Variants in MAN1B1 observed in about 807,000 individuals in gnomAD.
MAN1B1 encodes the protein mannosidase alpha class 1B member 1, also known as endoplasmic reticulum mannosyl-oligosaccharide 1,2-alpha-mannosidase.
MAN1B1 carries 66 observed loss-of-function variants against 75.5 expected under a neutral mutation model. That is an observed-to-expected ratio of 0.87 (90% CI 0.72 to 1.07). The LOEUF is 1.07. MAN1B1 is among the 50% of genes least tolerant of loss of function. The probability of loss-of-function intolerance (pLI) is 0.00; values close to 1 mark genes in which losing one functional copy is unlikely to be tolerated. For synonymous variants in MAN1B1, 453 were observed against 382.8 expected (o/e 1.18, Z -2.14); for missense variants, 973 against 912.5 (o/e 1.07, Z -0.85).
intron 2 of MAN1B1, chr9:137,088,652 G>C (rs1465874032): frequency 2.8e-6 from 2 of 702,152 alleles, no homozygotes; most frequent in Non-Finnish European, 2.4e-6. Context: ...GAAGGCAAAA[G>C]ATGTGGGGTT....
At chr9:137,105,601 G>A (rs1409388768) in intron 8 of MAN1B1, 1 of 315,982 alleles carries the variant, frequency 3.2e-6, no homozygotes, top group Non-Finnish European at 6.1e-6. Flanking sequence ...GCCCCTCTGT[G>A]GGCCAGGACG....
At chr9:137,099,950 G>C in intron 6 of MAN1B1, 69 bp downstream of exon 6, 1 of 1,562,116 alleles carries the variant, frequency 6.4e-7, no homozygotes, top group South Asian at 1.1e-5. Flanking sequence ...CAGAGTGTGG[G>C]TTGCACACGG....
At chr9:137,107,108 C>G in intron 10 of MAN1B1, 142 bp from the exon 11 acceptor site, 3 of 912,854 alleles carry the variant, frequency 3.3e-6, no homozygotes, top group Non-Finnish European at 5.0e-6. Context: ...CTCCGCTGTT[C>G]CATGCCAAGT....
intron 7 of MAN1B1, 76 bp from the exon 8 acceptor site, chr9:137,101,408 C>T (rs1830806131): frequency 7.0e-7 from 1 of 1,425,988 alleles, no homozygotes; most frequent in East Asian, 2.3e-5. Flanking sequence ...AGTGTCTCCA[C>T]TGAACTGCAT....
chr9:137,102,940 G>A (rs985754533), intron 8 of MAN1B1: 2 of 437,744 alleles, frequency 4.6e-6, no homozygotes, highest in Non-Finnish European at 9.1e-6. Context: ...AGGCATGCAG[G>A]TCGGTGGTGT....
chr9:137,105,640 T>A, intron 8 of MAN1B1: 1 of 330,824 alleles, frequency 3.0e-6, no homozygotes, highest in South Asian at 2.5e-5. Flanking sequence ...GCGTAAGCCC[T>A]GAGGAGCTGA....
At chr9:137,088,564 A>G in intron 2 of MAN1B1, 1 of 839,944 alleles carries the variant, frequency 1.2e-6, no homozygotes, top group Non-Finnish European at 1.8e-6. Context: ...CACTTGGTCT[A>G]AGATGCTTCT....
chr9:137,106,468 C>T, intron 9 of MAN1B1, 153 bp downstream of exon 9: 1 of 976,296 alleles, frequency 1.0e-6, no homozygotes, highest in East Asian at 2.6e-5. Context: ...CTGGCCCAGG[C>T]ATTTATGTGG....
chr9:137,107,880 G>A (rs1831176602), intron 12 of MAN1B1: 1 of 673,532 alleles, frequency 1.5e-6, no homozygotes, highest in African/African-American at 1.8e-5. Flanking sequence ...AGTACTTGGA[G>A]GGGCTGGGCA....
At chr9:137,097,702 C>T (rs370806127) in intron 4 of MAN1B1, 126 bp from the exon 5 acceptor site, 1 of 757,062 alleles carries the variant, frequency 1.3e-6, no homozygotes. Context: ...GCAGCCTGCA[C>T]CTCAGGATGA....
At chr9:137,100,372 G>A (rs115713172) in intron 6 of MAN1B1, among the ~76,000 whole-genome samples, 496 of 152,340 alleles carry the variant, frequency 3.3e-3, no homozygotes, top group African/African-American at 0.012. Flanking sequence ...GCCTTTGGTT[G>A]TGACCCATTG....
At chr9:137,091,521 A>ATTTTTTTTTTTTTT (rs964752016) in intron 3 of MAN1B1, among the ~76,000 whole-genome samples, 29 of 89,890 alleles carry the variant, frequency 3.2e-4, no homozygotes, top group Non-Finnish European at 5.2e-4. Flanking sequence ...TTTGTTTTAT[A>ATTTTTTTTTTTTTT]TTTTTTTTTT....
At chr9:137,094,362 TA>T in intron 3 of MAN1B1, 1 of 492,210 alleles carries the variant, frequency 2.0e-6, no homozygotes. Context: ...GACATAATTC[TA>T]ATAGTTTGTT....
At chr9:137,088,497 G>A in intron 2 of MAN1B1, 3 of 1,329,886 alleles carry the variant, frequency 2.3e-6, no homozygotes, top group South Asian at 2.3e-5. Context: ...GCACTCATTA[G>A]CGTGTGTTTG....
At chr9:137,098,720 TG>T (rs1830725656) in intron 5 of MAN1B1, among the ~76,000 whole-genome samples, 1 of 152,086 alleles carries the variant, frequency 6.6e-6, no homozygotes, top group Non-Finnish European at 1.5e-5. Context: ...CATTAGTCAA[TG>T]TTGGCCGGGC....
In MAN1B1 at chr9:137,106,257, G is replaced by T. The variant is rs368901674; in HGVS notation, c.1387G>T (p.Asp463Tyr). The change falls in exon 9 of 13, where the codon GAC becomes TAC. Residue 463 changes from aspartate to tyrosine, a missense_variant. Transcript: ENST00000371589. Reference protein sequence around the residue: ...LGVFTLGARADSYYEYLLKQW... With the variant: ...LGVFTLGARAYSYYEYLLKQW... Reference sequence around the variant, plus strand: ...CGTATTCACGCTGGGCGCCAGGGCCGACAGCTACTATGAGTACCTGCTGAA... The same window carrying T: ...CGTATTCACGCTGGGCGCCAGGGCCTACAGCTACTATGAGTACCTGCTGAA... The T allele has an allele frequency of 1.3e-6, 2 of 1,577,964 alleles. No homozygotes were observed. Among genetic ancestry groups the T allele is most frequent in the Non-Finnish European group, 1.7e-6 (2 of 1,162,020 alleles).
intron 12 of MAN1B1, 39 bp downstream of exon 12, chr9:137,107,701 G>C (rs185574403): frequency 6.2e-7 from 1 of 1,610,418 alleles, no homozygotes; most frequent in Non-Finnish European, 8.5e-7. Flanking sequence ...CACGGCCACC[G>C]GGCCACAGGC....
At chr9:137,087,484 C>T (rs1234303448) in intron 1 of MAN1B1, 3 of 666,836 alleles carry the variant, frequency 4.5e-6, no homozygotes, top group Non-Finnish European at 8.3e-6. Flanking sequence ...GGGCTTCGTT[C>T]GCTTTTCTGC....
At chr9:137,091,242 T>C (rs1830504466) in intron 3 of MAN1B1, among the ~76,000 whole-genome samples, 1 of 152,208 alleles carries the variant, frequency 6.6e-6, no homozygotes, top group Admixed American at 6.5e-5. Context: ...GAGCAGACTG[T>C]GGTATTTTTT....
Sources: gnomAD v4.1 joint callset for allele counts (sites outside exome capture counted in the v4.1 genomes callset) on GRCh38, gnomAD v4.1.1 for gene constraint, MANE v1.5 for transcripts, NCBI Gene and HGNC (gene_info 2026-07-23, HGNC 2026-07-21) for gene names.